The following VAT1L variants were observed in gnomAD, a reference collection of about 807,000 sequenced individuals.
VAT1L encodes putative NADPH-dependent quinone oxidoreductase VAT1L.
Under a neutral mutation model 44.1 loss-of-function variants are expected in VAT1L, and 34 were observed. The ratio of observed to expected loss-of-function variants is 0.77; its 90% CI spans 0.59 to 1.03. The LOEUF (loss-of-function observed/expected upper bound fraction) is 1.03, where lower values mean the gene tolerates loss of function less well. Ranked by LOEUF, VAT1L falls within the 50% of genes least tolerant of loss-of-function variation. VAT1L has a pLI of 0.00. For missense variants in VAT1L, 615 were observed against 538.8 expected (o/e 1.14, Z -1.40); for synonymous variants, 253 against 202.2 (o/e 1.25, Z -2.13).
chr16:77,877,886 T>C (rs1229537516), intron 5 of VAT1L, among the ~76,000 whole-genome samples: 1 of 152,354 alleles, frequency 6.6e-6, no homozygotes, highest in East Asian at 1.9e-4. Flanking sequence ...AGCCATGTAT[T>C]TCCTTTGAAG....
At chr16:77,794,198 C>A (rs1253520459) in intron 1 of VAT1L, among the ~76,000 whole-genome samples, 1 of 152,112 alleles carries the variant, frequency 6.6e-6, no homozygotes, top group East Asian at 1.9e-4. Flanking sequence ...GACGGGCACA[C>A]AGACAGGAAT....
At chr16:77,945,632 G>A (rs1382409828) in intron 7 of VAT1L, among the ~76,000 whole-genome samples, 1 of 151,878 alleles carries the variant, frequency 6.6e-6, no homozygotes, top group Non-Finnish European at 1.5e-5. Context: ...AAGAAAAGTA[G>A]CACATATTCA....
At chr16:77,808,221 A>T (rs954967765) in intron 1 of VAT1L, among the ~76,000 whole-genome samples, 3 of 152,058 alleles carry the variant, frequency 2.0e-5, no homozygotes, top group African/African-American at 7.2e-5. Flanking sequence ...CATGAACCCT[A>T]TTGTGAGCTG....
intron 8 of VAT1L, among the ~76,000 whole-genome samples, chr16:77,973,788 C>T (rs576083558): frequency 5.0e-4 from 76 of 151,828 alleles, no homozygotes; most frequent in Middle Eastern, 6.8e-3. Flanking sequence ...TGCAGTGGTG[C>T]GATCTTGGCT....
intron 7 of VAT1L, among the ~76,000 whole-genome samples, chr16:77,913,672 T>C (rs763355664): frequency 3.3e-5 from 5 of 152,180 alleles, no homozygotes; most frequent in Non-Finnish European, 7.3e-5. Context: ...TGTTGGCATC[T>C]GGACTGGGCC....
intron 7 of VAT1L, among the ~76,000 whole-genome samples, chr16:77,886,840 T>C (rs78143382): frequency 0.011 from 1,667 of 152,358 alleles, 11 homozygotes; most frequent in Non-Finnish European, 0.017. Flanking sequence ...TTGTTGCTCC[T>C]CTAAAGAGAC....
rs542508881 is a variant in VAT1L at position 77,802,494 on chromosome 16, A to C, written c.233+13579A>C. On this transcript the variant is annotated intron_variant, in intron 1 of 8. Transcript: ENST00000302536. ...GCCAGGTGTGGTGGCAGGCGCCTGT[A>C]ATCCCAGCTACTCGGGAGGCTGAGG... is the stretch of plus-strand genomic sequence containing the variant. 9.9e-5 allele frequency among the ~76,000 whole-genome samples: 15 copies of C among 152,224 alleles called. No homozygotes were observed. The South Asian group carries it at 2.7e-3, about 27-fold the overall frequency.
chr16:77,918,138 C>T (rs1215473808), intron 7 of VAT1L, among the ~76,000 whole-genome samples: 1 of 152,168 alleles, frequency 6.6e-6, no homozygotes, highest in Non-Finnish European at 1.5e-5. Flanking sequence ...CATTAAGGAA[C>T]TTGCTAATTG....
At chr16:77,818,829 T>C (rs935393991) in intron 2 of VAT1L, among the ~76,000 whole-genome samples, 1 of 152,210 alleles carries the variant, frequency 6.6e-6, no homozygotes, top group Non-Finnish European at 1.5e-5. Flanking sequence ...CTGACACTAG[T>C]ATTCCATCTA....
chr16:77,846,846 G>T (rs1175311599), intron 3 of VAT1L, among the ~76,000 whole-genome samples: 3 of 151,654 alleles, frequency 2.0e-5, no homozygotes, highest in Non-Finnish European at 4.4e-5. Context: ...GTATATAGTG[G>T]TGTATTCAGT....
At chr16:77,898,278 G>A (rs889494682) in intron 7 of VAT1L, among the ~76,000 whole-genome samples, 3 of 152,148 alleles carry the variant, frequency 2.0e-5, no homozygotes, top group African/African-American at 4.8e-5. Context: ...ATAAGGTTGC[G>A]ATGGAGTTGC....
At chr16:77,925,635 C>T (rs563866913) in intron 7 of VAT1L, among the ~76,000 whole-genome samples, 2 of 152,284 alleles carry the variant, frequency 1.3e-5, no homozygotes, top group South Asian at 2.1e-4. Flanking sequence ...TAGCCCAGAA[C>T]TGTTTTTACA....
intron 1 of VAT1L, among the ~76,000 whole-genome samples, chr16:77,803,910 C>T (rs2016110146): frequency 6.6e-6 from 1 of 152,156 alleles, no homozygotes. Context: ...GAACAAGGGG[C>T]ACGCCCATTC....
At chr16:77,803,043 G>A (rs1332334904) in intron 1 of VAT1L, among the ~76,000 whole-genome samples, 1 of 152,162 alleles carries the variant, frequency 6.6e-6, no homozygotes, top group Admixed American at 6.6e-5. Flanking sequence ...TACACCTTCA[G>A]TGCAGAAATT....
Position 77,788,675 on chromosome 16 carries a change from C to G in VAT1L, c.-8C>G. The stretch of plus-strand genomic sequence containing the variant: ...CCGCAGCCCGTGCGCCCCGCGCCCT[C>G]GAGCGCCATGGCCAAGGAAGGCGTG... On this transcript the variant is annotated 5_prime_UTR_variant, in exon 1 of 9. Transcript: ENST00000302536. 10 of 1,548,350 alleles carry G rather than the reference C, an allele frequency of 6.5e-6. No individual in the cohort carries two copies. Among genetic ancestry groups the G allele is most frequent in the East Asian group, 2.4e-5 (1 of 40,868 alleles).
intron 7 of VAT1L, among the ~76,000 whole-genome samples, chr16:77,944,033 T>C (rs2017927373): frequency 6.6e-6 from 1 of 152,158 alleles, no homozygotes; most frequent in South Asian, 2.1e-4. Context: ...AAGGCTGTGC[T>C]TCTCAGCTGG....
chr16:77,958,141 G>A (rs1156897281), intron 7 of VAT1L, among the ~76,000 whole-genome samples: 3 of 152,090 alleles, frequency 2.0e-5, no homozygotes, highest in African/African-American at 7.2e-5. Context: ...CTCCTGGGCA[G>A]AAGTCATCAA....
At chr16:77,912,637 C>T (rs12600310) in intron 7 of VAT1L, among the ~76,000 whole-genome samples, 12,480 of 152,234 alleles carry the variant, frequency 0.082, 657 homozygotes, top group South Asian at 0.17. Flanking sequence ...CTTATTCTCA[C>T]TGGCAAGGCA....
chr16:77,826,158 G>C (rs1368811155), intron 3 of VAT1L, among the ~76,000 whole-genome samples: 6 of 148,682 alleles, frequency 4.0e-5, no homozygotes, highest in African/African-American at 1.5e-4. Context: ...AGTGAGCCGA[G>C]ATCCCGCCAC....
Sources: allele counts gnomAD v4.1 joint callset (sites outside exome capture counted in the v4.1 genomes callset), GRCh38; gene constraint gnomAD v4.1.1; transcripts MANE v1.5; gene names NCBI Gene and HGNC (gene_info 2026-07-23, HGNC 2026-07-21).